AGGF1: variants seen among roughly 807,000 people sequenced by gnomAD.
AGGF1 encodes the protein angiogenic factor with G patch and FHA domains 1.
In AGGF1, 56 loss-of-function variants were observed where a neutral mutation model predicts 86.5. The ratio of observed to expected loss-of-function variants is 0.65; its 90% CI spans 0.52 to 0.81. AGGF1 has a LOEUF of 0.81. Ranked by LOEUF, AGGF1 falls within the 30% of genes least tolerant of loss-of-function variation. The pLI is 0.00. For missense variants in AGGF1, 816 were observed against 850.9 expected, an observed-to-expected ratio of 0.96 and a Z score of 0.51; for synonymous variants, 313 against 297.1, an observed-to-expected ratio of 1.05 and a Z score of -0.55.
chr5:77,038,095 A>G (rs1746998154), intron 4 of AGGF1, among the ~76,000 whole-genome samples: 1 of 152,208 alleles, frequency 6.6e-6, no homozygotes, highest in Non-Finnish European at 1.5e-5. Flanking sequence ...TCTAGAGAAC[A>G]TAAGATAATA....
chr5:77,047,690 G>A (rs998235008), intron 6 of AGGF1, among the ~76,000 whole-genome samples: 9 of 151,908 alleles, frequency 5.9e-5, no homozygotes, highest in Admixed American at 3.3e-4. Flanking sequence ...GCTAATTTTT[G>A]TATTTTTAGT....
In AGGF1 at chr5:77,046,598, A is replaced by G. The variant is rs1476316805; in HGVS notation, c.1122A>G (p.Thr374=). ...TDSEPEEGEI[T]DSQTEDSYDE... ...GTGAACCAGAGGAAGGTGAAATTAC[A>G]GACTCTCAGACTGAGGATAGTTATG... The change falls in exon 6 of 14, where the codon ACA becomes ACG. Residue 374 remains threonine, a synonymous_variant. Transcript: ENST00000312916. 2 of 1,613,904 alleles carry G rather than the reference A, an allele frequency of 1.2e-6. No individual in the cohort carries two copies. The highest frequency in any genetic ancestry group is 3.3e-5 in the Admixed American group (2 of 59,998).
intron 5 of AGGF1, among the ~76,000 whole-genome samples, chr5:77,043,773 A>C (rs1747190083): frequency 8.6e-6 from 1 of 116,572 alleles, no homozygotes; most frequent in African/African-American, 3.1e-5. Context: ...GAGGCTCCTC[A>C]CTTCTCAGAG....
chr5:77,051,105 T>C (rs978376682), intron 8 of AGGF1, among the ~76,000 whole-genome samples: 2 of 151,772 alleles, frequency 1.3e-5, no homozygotes, highest in Admixed American at 6.6e-5. Flanking sequence ...AAAGAAAATT[T>C]ACAGAAGAGG....
chr5:77,051,302 G>A (rs1020616456), intron 8 of AGGF1, among the ~76,000 whole-genome samples: 40 of 151,880 alleles, frequency 2.6e-4, no homozygotes, highest in Non-Finnish European at 4.7e-4. Flanking sequence ...GTGTGGTGGC[G>A]GGTGCCTGTA....
At chr5:77,034,647 C>T (rs926509284) in intron 2 of AGGF1, 127 bp downstream of exon 2, 6 of 713,818 alleles carry the variant, frequency 8.4e-6, no homozygotes, top group Middle Eastern at 2.8e-4. Context: ...GTTGACGTCT[C>T]TCCATATGAT....
intron 1 of AGGF1, 50 bp from the exon 2 acceptor site, chr5:77,034,366 ATT>A (rs1746924987): frequency 3.7e-6 from 4 of 1,092,750 alleles, no homozygotes; most frequent in Non-Finnish European, 5.7e-6. Context: ...TGGTATATAT[ATT>A]ATTAGATTGT....
chr5:77,046,942 A>G (rs1442465900), intron 6 of AGGF1, among the ~76,000 whole-genome samples: 1 of 152,238 alleles, frequency 6.6e-6, no homozygotes, highest in African/African-American at 2.4e-5. Context: ...CCTGGATTCT[A>G]ATCTTAAAAT....
intron 5 of AGGF1, among the ~76,000 whole-genome samples, chr5:77,042,444 AC>A (rs756398822): frequency 0.014 from 881 of 65,112 alleles, no homozygotes; most frequent in African/African-American, 0.024. Flanking sequence ...GGGGGGGCTG[AC>A]CCCCCCCACC....
chr5:77,043,536 T>C (rs1747176331), intron 5 of AGGF1, among the ~76,000 whole-genome samples: 1 of 138,236 alleles, frequency 7.2e-6, no homozygotes, highest in African/African-American at 2.7e-5. Context: ...GGCGGGGGGC[T>C]GACCCCCCCA....
At chr5:77,058,858 A>G (rs923584677) in intron 11 of AGGF1, among the ~76,000 whole-genome samples, 13 of 152,198 alleles carry the variant, frequency 8.5e-5, no homozygotes, top group African/African-American at 2.7e-4. Context: ...TCGTACTGCA[A>G]CAGGCCAAAG....
Position 77,039,539 on chromosome 5 carries a change from A to G in AGGF1, c.690A>G (p.Gln230=). 6.2e-7 allele frequency: 1 copy of G among 1,600,270 alleles called. No homozygotes were observed. The highest frequency in any genetic ancestry group is 8.5e-7 in the Non-Finnish European group (1 of 1,171,844). Reference sequence around the variant, plus strand: ...TTTCTTGACTTTCAAAGGAAAATCAACTCTATTATGATCCTTCCACTGGAA... The same window carrying G: ...TTTCTTGACTTTCAAAGGAAAATCAGCTCTATTATGATCCTTCCACTGGAA... ...STGFYYDSEN[Q]LYYDPSTGIY... The change falls in exon 5 of 14, where the codon CAA becomes CAG. Residue 230 remains glutamine (Q), a synonymous_variant. Transcript: ENST00000312916.
At chr5:77,043,271 C>T (rs1440110036) in intron 5 of AGGF1, among the ~76,000 whole-genome samples, 12 of 27,132 alleles carry the variant, frequency 4.4e-4, no homozygotes, top group Admixed American at 6.1e-4. Flanking sequence ...GCAGAGGCGC[C>T]CCTCACCTCC....
intron 5 of AGGF1, among the ~76,000 whole-genome samples, chr5:77,045,077 AAAG>A (rs1164311521): frequency 6.6e-6 from 1 of 151,942 alleles, no homozygotes; most frequent in African/African-American, 2.4e-5. Flanking sequence ...AAAAAAAAAA[AAAG>A]AAAGAAAGGT....
intron 1 of AGGF1, among the ~76,000 whole-genome samples, chr5:77,033,893 A>T (rs919294369): frequency 6.6e-6 from 1 of 152,198 alleles, no homozygotes; most frequent in African/African-American, 2.4e-5. Flanking sequence ...TGTGAAGTAC[A>T]TGGAGGACAG....
At chr5:77,045,134 T>G (rs959271736) in intron 5 of AGGF1, among the ~76,000 whole-genome samples, 2 of 151,044 alleles carry the variant, frequency 1.3e-5, no homozygotes, top group Non-Finnish European at 3.0e-5. Context: ...GAAGAGCATA[T>G]GAATTCGCCT....
At position 77,046,459 on chromosome 5, in the gene AGGF1, A is replaced by G. The variant is rs1213409708; in HGVS notation, c.983A>G (p.Asn328Ser). ...KKAKIGIHHKNSPPKVTVPTS... is the reference protein window; with the variant it reads ...KKAKIGIHHKSSPPKVTVPTS... ...GCCAAAATAGGCATTCATCACAAAA[A>G]TAGTCCCCCCAAAGTCACTGTTCCA... The change falls in exon 6 of 14, where the codon AAT becomes AGT. Residue 328 changes from asparagine to serine, a missense_variant. By Grantham distance (46) the Asn-to-Ser change is conservative. Transcript: ENST00000312916. 1.2e-6 allele frequency: 2 copies of G among 1,614,088 alleles called. No homozygotes were observed. Among genetic ancestry groups the G allele is most frequent in the Non-Finnish European group, 1.7e-6 (2 of 1,179,988 alleles).
At chr5:77,053,793 TG>T (rs1355443044) in intron 9 of AGGF1, among the ~76,000 whole-genome samples, 171 bp from the exon 10 acceptor site, 2 of 152,210 alleles carry the variant, frequency 1.3e-5, no homozygotes, top group Non-Finnish European at 2.9e-5. Flanking sequence ...ACTTTTTTTA[TG>T]GGTCATTAAG....
At chr5:77,040,350 T>A (rs1747051125) in intron 5 of AGGF1, among the ~76,000 whole-genome samples, 1 of 150,522 alleles carries the variant, frequency 6.6e-6, no homozygotes, top group African/African-American at 2.5e-5. Flanking sequence ...CCTCAGCTGA[T>A]CCTCCTGCCT....
Sources: allele counts gnomAD v4.1 joint callset (sites outside exome capture counted in the v4.1 genomes callset), GRCh38; gene constraint gnomAD v4.1.1; transcripts MANE v1.5; gene names NCBI Gene and HGNC (gene_info 2026-07-23, HGNC 2026-07-21).